The following MACROD2 variants were observed in gnomAD, a reference collection of about 807,000 sequenced individuals.
MACROD2 encodes mono-ADP ribosylhydrolase 2.
In MACROD2, 36 loss-of-function variants were observed where a neutral mutation model predicts 70.4. The observed-to-expected ratio is 0.51, with a 90% CI of 0.39 to 0.68. The LOEUF (loss-of-function observed/expected upper bound fraction) is 0.68. Among genes scored for constraint, MACROD2 ranks in the 30% least tolerant of loss-of-function variants. MACROD2 has a pLI of 0.00. For missense variants in MACROD2, 496 were observed against 538.4 expected, an observed-to-expected ratio of 0.92 and a Z score of 0.78; for synonymous variants, 172 against 178.8, an observed-to-expected ratio of 0.96 and a Z score of 0.30.
chr20:15,074,355 T>C (rs1459401691), intron 5 of MACROD2, among the ~76,000 whole-genome samples: 3 of 152,116 alleles, frequency 2.0e-5, no homozygotes, highest in African/African-American at 4.8e-5. Context: ...AAAGACTGGG[T>C]TCAGGGAGCT....
intron 3 of MACROD2, among the ~76,000 whole-genome samples, chr20:14,453,090 A>C (rs147006076): frequency 6.6e-6 from 1 of 152,244 alleles, no homozygotes; most frequent in Non-Finnish European, 1.5e-5. Context: ...TGGAATGTGG[A>C]TAGAGCTTTT....
intron 8 of MACROD2, among the ~76,000 whole-genome samples, chr20:15,548,012 G>A (rs2048046785): frequency 6.6e-6 from 1 of 152,052 alleles, no homozygotes; most frequent in Admixed American, 6.6e-5. Context: ...CTATGCTTTG[G>A]ATTCATCCAA....
At chr20:14,890,951 TTTCCTTCCTTCCTTCC>T (rs372577604) in intron 5 of MACROD2, among the ~76,000 whole-genome samples, 1 of 105,706 alleles carries the variant, frequency 9.5e-6, no homozygotes, top group Non-Finnish European at 1.8e-5. Context: ...TCTTTCTCTT[TTTCCTTCCTTCCTTCC>T]TTCCTTCCTT....
At chr20:15,192,052 A>C (rs564099911) in intron 5 of MACROD2, among the ~76,000 whole-genome samples, 5 of 150,760 alleles carry the variant, frequency 3.3e-5, no homozygotes, top group African/African-American at 1.2e-4. Flanking sequence ...CTATCTATCT[A>C]TCTATCTATC....
At chr20:15,769,935 T>C (rs2051593939) in intron 8 of MACROD2, among the ~76,000 whole-genome samples, 1 of 152,098 alleles carries the variant, frequency 6.6e-6, no homozygotes, top group Admixed American at 6.5e-5. Context: ...CTGGCTCACA[T>C]TCCTTAAACT....
intron 6 of MACROD2, among the ~76,000 whole-genome samples, chr20:15,234,026 T>G (rs1382247368): frequency 1.4e-4 from 3 of 21,924 alleles, no homozygotes; most frequent in African/African-American, 3.8e-4. Context: ...TTTTTTTTTT[T>G]TTTTTTTTTT....
chr20:14,486,596 C>T (rs891584358), intron 3 of MACROD2, among the ~76,000 whole-genome samples: 3 of 149,672 alleles, frequency 2.0e-5, no homozygotes, highest in East Asian at 2.0e-4. Context: ...CTCGGCCCAC[C>T]GCAACCTCCA....
intron 6 of MACROD2, among the ~76,000 whole-genome samples, chr20:15,417,167 G>A (rs2046163933): frequency 1.3e-5 from 2 of 152,254 alleles, no homozygotes; most frequent in Admixed American, 1.3e-4. Context: ...AAGGACCTTA[G>A]CTCATCCCAG....
At chr20:15,444,556 G>T (rs1332556759) in intron 7 of MACROD2, among the ~76,000 whole-genome samples, 2 of 152,018 alleles carry the variant, frequency 1.3e-5, no homozygotes, top group Non-Finnish European at 2.9e-5. Flanking sequence ...TTGAAACATG[G>T]TCTGTATCTC....
At chr20:15,950,119 A>G (rs534379612) in intron 12 of MACROD2, among the ~76,000 whole-genome samples, 69 of 152,346 alleles carry the variant, frequency 4.5e-4, no homozygotes, top group Non-Finnish European at 6.9e-4. Context: ...GAGTAAACAC[A>G]AAACATTTAC....
intron 5 of MACROD2, among the ~76,000 whole-genome samples, chr20:14,955,285 TTA>T (rs2122747385): frequency 7.4e-6 from 1 of 135,850 alleles, no homozygotes; most frequent in South Asian, 2.5e-4. Context: ...TATATATAGT[TTA>T]TATAATATAA....
chr20:14,261,799 C>G (rs1477624661), intron 3 of MACROD2, among the ~76,000 whole-genome samples: 2 of 152,136 alleles, frequency 1.3e-5, no homozygotes. Flanking sequence ...TAGTAGAAGA[C>G]TAATTCACAG....
chr20:15,438,399 C>T (rs1327940672), intron 7 of MACROD2, among the ~76,000 whole-genome samples: 42 of 151,848 alleles, frequency 2.8e-4, no homozygotes, highest in Non-Finnish European at 7.4e-5. Context: ...GGTATCTCAC[C>T]GTGGTTTTGA....
At chr20:14,102,305 A>G (rs928569694) in intron 3 of MACROD2, among the ~76,000 whole-genome samples, 3 of 152,012 alleles carry the variant, frequency 2.0e-5, no homozygotes, top group African/African-American at 7.2e-5. Flanking sequence ...GCTGGCCTTA[A>G]TGAGTACTTT....
chr20:15,122,685 C>G lies in MACROD2; in HGVS notation c.419-107255C>G, dbSNP rs2076039243. On this transcript the variant is annotated intron_variant, in intron 5 of 17. Transcript: ENST00000684519. ...GTAGAGCTTTGTACCCAAATGCATT[C>G]TATACATGTCTCTCATTACTTCTCT... Among the ~76,000 whole-genome samples the G allele has an allele frequency of 2.6e-5, 4 of 152,124 alleles. No individual in the cohort carries two copies. The South Asian group carries it at 8.3e-4, about 32-fold the overall frequency.
intron 5 of MACROD2, among the ~76,000 whole-genome samples, chr20:14,800,152 T>C (rs2072557058): frequency 1.3e-5 from 2 of 151,970 alleles, no homozygotes; most frequent in Non-Finnish European, 2.9e-5. Flanking sequence ...ACTTCAGTTT[T>C]TTTTTTTTCC....
intron 8 of MACROD2, among the ~76,000 whole-genome samples, chr20:15,819,516 TA>T (rs2063916632): frequency 6.8e-6 from 1 of 147,532 alleles, no homozygotes; most frequent in African/African-American, 2.5e-5. Flanking sequence ...TATATCGATA[TA>T]TTTATATGTC....
intron 3 of MACROD2, among the ~76,000 whole-genome samples, chr20:14,133,427 C>G (rs1248155009): frequency 1.3e-5 from 2 of 152,150 alleles, no homozygotes; most frequent in Non-Finnish European, 2.9e-5. Flanking sequence ...TTGTTCTAGA[C>G]AGTGGGACAT....
intron 3 of MACROD2, among the ~76,000 whole-genome samples, chr20:14,311,842 G>A (rs1024210368): frequency 6.6e-6 from 1 of 151,978 alleles, no homozygotes; most frequent in Non-Finnish European, 1.5e-5. Context: ...TGTTGAGGAC[G>A]TTCTTCCTTT....
Sources: allele counts gnomAD v4.1 joint callset (sites outside exome capture counted in the v4.1 genomes callset), GRCh38; gene constraint gnomAD v4.1.1; transcripts MANE v1.5; gene names NCBI Gene and HGNC (gene_info 2026-07-23, HGNC 2026-07-21).